The following ALDH1L1 variants were observed in gnomAD, a reference collection of about 807,000 sequenced individuals.
ALDH1L1 encodes cytosolic 10-formyltetrahydrofolate dehydrogenase.
ALDH1L1 carries 68 observed loss-of-function variants against 101.1 expected under a neutral mutation model. That is an observed-to-expected ratio of 0.67 (90% CI 0.55 to 0.82). ALDH1L1 has a LOEUF of 0.82. ALDH1L1 is among the 40% of genes least tolerant of loss of function. The pLI, the probability that ALDH1L1 is intolerant of heterozygous loss-of-function variation, is 0.00. For missense variants in ALDH1L1, 1,087 were observed against 1,172.7 expected, an observed-to-expected ratio of 0.93 and a Z score of 1.07; for synonymous variants, 486 against 470.8, an observed-to-expected ratio of 1.03 and a Z score of -0.42.
At position 126,107,165 on chromosome 3, in the gene ALDH1L1, A is replaced by G. The variant is rs1945905674; in HGVS notation, c.2429T>C (p.Met810Thr). ...IAKEESFGPV[M>T]IISRFADGDL... ...CCCATCAGCAAACCGAGAGATGATC[A>G]TGACAGGCCCGAAGGACTCCTCCTT... Residue 810 changes from methionine to threonine, a missense_variant, in exon 21 of 23, where the codon ATG (methionine) becomes ACG (threonine). Coordinates refer to ENST00000393434, the MANE Select transcript of ALDH1L1 (RefSeq NM_012190.4). The G allele has an allele frequency of 1.9e-6, 3 of 1,614,214 alleles. No homozygotes were observed. The highest frequency in any genetic ancestry group is 2.5e-6 in the Non-Finnish European group (3 of 1,180,010).
At chr3:126,186,117 G>A (rs958745608), upstream of ALDH1L1, among the ~76,000 whole-genome samples, 4 of 152,184 alleles carry the variant, frequency 2.6e-5, no homozygotes, top group African/African-American at 7.2e-5. Context: ...ATGGTTGCAC[G>A]ACAGTGTGAA....
chr3:126,119,282 C>T (rs2080034754), intron 16 of ALDH1L1, among the ~76,000 whole-genome samples: 1 of 152,248 alleles, frequency 6.6e-6, no homozygotes, highest in Non-Finnish European at 1.5e-5. Context: ...GGTCACTCCT[C>T]TGCCTGCTTG....
At chr3:126,196,035 A>G (rs1243675244) in intron 1 of ALDH1L1, among the ~76,000 whole-genome samples, 1 of 152,202 alleles carries the variant, frequency 6.6e-6, no homozygotes, top group Non-Finnish European at 1.5e-5. Flanking sequence ...TGGGTGCAGC[A>G]CACCAACATG....
Position 126,158,538 on chromosome 3 carries a change from C to T in ALDH1L1, c.229G>A (p.Gly77Arg), listed in dbSNP as rs773242742. 18 of 1,614,090 alleles carry T rather than the reference C, an allele frequency of 1.1e-5. No individual in the cohort carries two copies. The highest frequency in any genetic ancestry group is 1.3e-5 in the Non-Finnish European group (15 of 1,180,028). The change falls in exon 3 of 23, where the codon GGG becomes AGG. Residue 77 changes from glycine to arginine, a missense_variant. Gly to Arg is a moderately radical substitution (Grantham distance 125, BLOSUM62 -2). Transcript: ENST00000393434. Reference protein sequence around the residue: ...PDVVAKYQALGAELNVLPFCS... With the variant: ...PDVVAKYQALRAELNVLPFCS... ...AAGGGCAGGACGTTGAGCTCGGCCC[C>T]CAAAGCCTGGTATTTTGCCACCACA... is the stretch of plus-strand genomic sequence containing the variant.
At chr3:126,165,299 T>C (rs2081143571) in intron 1 of ALDH1L1, among the ~76,000 whole-genome samples, 2 of 152,310 alleles carry the variant, frequency 1.3e-5, no homozygotes, top group African/African-American at 4.8e-5. Context: ...ATTAACTTTT[T>C]GATGTGCTGC....
chr3:126,131,588 C>A (rs879559203), intron 12 of ALDH1L1, 54 bp from the exon 13 acceptor site: 161 of 1,564,954 alleles, frequency 1.0e-4, no homozygotes, highest in Admixed American at 5.7e-4. Context: ...ACGGCCTCAT[C>A]TGCCCTCACA....
chr3:126,152,875 G>A, intron 7 of ALDH1L1: 1 of 181,168 alleles, frequency 5.5e-6, no homozygotes, highest in South Asian at 1.2e-4. Flanking sequence ...ATATCTCATA[G>A]TGTTGTTAGG....
At chr3:126,166,260 T>A (rs2081166786) in intron 1 of ALDH1L1, among the ~76,000 whole-genome samples, 1 of 152,218 alleles carries the variant, frequency 6.6e-6, no homozygotes, top group African/African-American at 2.4e-5. Context: ...CTCACGTTCA[T>A]GTCCCCTTCT....
At chr3:126,136,672 C>G in intron 11 of ALDH1L1, 92 bp downstream of exon 11, 1 of 1,519,820 alleles carries the variant, frequency 6.6e-7, no homozygotes, top group Non-Finnish European at 8.9e-7. Flanking sequence ...CAGAGACTCT[C>G]AGGGTCAGGA....
chr3:126,150,510 G>C lies in ALDH1L1; in HGVS notation c.880C>G (p.Leu294Val). ...DKMLLVKNIQ[L>V]EDGKMILASN... is the part of the protein sequence containing the mutation. ...GCCAGGATCATTTTGCCATCCTCCA[G>C]CTGAATATTCTTCACCAGCAGCTGC... The change falls in exon 8 of 23, where the codon CTG (leucine) becomes GTG (valine). Residue 294 changes from leucine (L) to valine (V), a missense_variant. This residue lies in a region of ALDH1L1 where 645 missense variants were observed against 637.0 expected (regional missense o/e 1.01). Coordinates refer to ENST00000393434, the MANE Select transcript of ALDH1L1 (RefSeq NM_012190.4). 1 of 1,551,346 alleles carries C rather than the reference G, an allele frequency of 6.4e-7. No individual in the cohort carries two copies. The highest frequency in any genetic ancestry group is 8.7e-7 in the Non-Finnish European group (1 of 1,146,812).
In ALDH1L1 at chr3:126,130,220, C is replaced by T. The variant is rs750516494; in HGVS notation, c.1694+3G>A. ...CTGCACCTCGCCCTGGGCAGGAACT[C>T]ACCCAACAGGCTCCTTCCTGGTCAA... On this transcript the variant is annotated splice_donor_region_variant and intron_variant, in intron 14 of 22. Coordinates refer to ENST00000393434, the MANE Select transcript of ALDH1L1 (RefSeq NM_012190.4). 48 of 1,605,998 alleles carry T rather than the reference C, an allele frequency of 3.0e-5. No individual in the cohort carries two copies. Among genetic ancestry groups the T allele is most frequent in the Non-Finnish European group, 3.9e-5 (46 of 1,176,156 alleles).
At chr3:126,180,909 G>A (rs1199350512), upstream of ALDH1L1, 3 of 1,604,346 alleles carry the variant, frequency 1.9e-6, no homozygotes, top group African/African-American at 4.0e-5. Context: ...CCCTCGCCAA[G>A]CCGGTGACTC....
rs75123489 is a variant in ALDH1L1 at position 126,176,486 on chromosome 3, A to G, written c.-24+3990T>C. Among the ~76,000 whole-genome samples, 1,066 of 152,354 alleles carry G rather than the reference A, an allele frequency of 7.0e-3. 8 individuals are homozygous for G. Among genetic ancestry groups the G allele is most frequent in the South Asian group, 0.019 (94 of 4,822 alleles). On this transcript the variant is annotated intron_variant, in intron 1 of 22. Coordinates refer to ENST00000393434, the MANE Select transcript of ALDH1L1 (RefSeq NM_012190.4). ...GGTATTGGCAAAAGAATAGTCAGAT[A>G]GATCAATTGAACAGAATAGAGAGCC...
intron 1 of ALDH1L1, among the ~76,000 whole-genome samples, chr3:126,177,290 A>G (rs549512919): frequency 6.6e-6 from 1 of 152,372 alleles, no homozygotes; most frequent in South Asian, 2.1e-4. Context: ...TAAAACTTGG[A>G]AGCAACCAAG....
chr3:126,105,785 T>C lies in ALDH1L1; in HGVS notation c.2594A>G (p.Lys865Arg), dbSNP rs898481388. The change falls in exon 22 of 23, where the codon AAG becomes AGG. Residue 865 changes from lysine to arginine, a missense_variant. Coordinates refer to ENST00000393434, the MANE Select transcript of ALDH1L1 (RefSeq NM_012190.4). ...AGTVFVNTYN[K>R]TDVAAPFGGF... ...TCCGAAGGGAGCGGCCACGTCGGTC[T>C]TGTTGTACGTGTTGACAAACACAGT... 6.2e-6 allele frequency: 10 copies of C among 1,614,010 alleles called. No individual in the cohort carries two copies. The highest frequency in any genetic ancestry group is 5.0e-5 in the Admixed American group (3 of 60,014).
At chr3:126,104,016 G>A in intron 22 of ALDH1L1, 170 bp from the exon 23 acceptor site, 1 of 692,232 alleles carries the variant, frequency 1.4e-6, no homozygotes, top group South Asian at 1.8e-5. Context: ...GGTTATCCCT[G>A]GCAGTGGATA....
rs1227823094 is a variant in ALDH1L1, at chr3:126,132,649, G to T, written c.1473-1115C>A. Among the ~76,000 whole-genome samples, 6 of 152,114 alleles carry T rather than the reference G, an allele frequency of 3.9e-5. No individual in the cohort carries two copies. The South Asian group carries it at 1.2e-3, about 32-fold the overall frequency. On this transcript the variant is annotated intron_variant, in intron 12 of 22. Transcript: ENST00000393434. The stretch of plus-strand genomic sequence containing the variant: ...GCCTTCTGTACTTGTTTCAGACACG[G>T]ACTCAATGGGAAGCCGACCCAAATC...
chr3:126,157,506 G>T lies in ALDH1L1; in HGVS notation c.365C>A (p.Thr122Asn), dbSNP rs1176824663. The change falls in exon 4 of 23, where the codon ACC (threonine) becomes AAC (asparagine). Residue 122 changes from threonine (T) to asparagine (N), a missense_variant and splice_region_variant. This residue lies in a region of ALDH1L1 where 645 missense variants were observed against 637.0 expected (regional missense o/e 1.01). Transcript: ENST00000393434. ...RHRGASAINW[T>N]LIHGDKKGGF... Reference sequence around the variant, plus strand: ...CCCTTTCTTATCTCCGTGAATGAGGGTCCTAGGAAGCAGAAGAGTGAAACC... The same window carrying T: ...CCCTTTCTTATCTCCGTGAATGAGGTTCCTAGGAAGCAGAAGAGTGAAACC... The T allele has an allele frequency of 6.2e-7, 1 of 1,613,372 alleles. No homozygotes were observed. The highest frequency in any genetic ancestry group is 8.5e-7 in the Non-Finnish European group (1 of 1,179,696).
chr3:126,161,925 G>A (rs1214601442), intron 1 of ALDH1L1, among the ~76,000 whole-genome samples: 1 of 109,802 alleles, frequency 9.1e-6, no homozygotes, highest in Non-Finnish European at 2.0e-5. Flanking sequence ...GCATCGAATG[G>A]TTTCGCTTGA....
Sources: gnomAD v4.1 joint callset for allele counts (sites outside exome capture counted in the v4.1 genomes callset) on GRCh38, gnomAD v4.1.1 for gene constraint, gnomAD v4.1.1 regional missense constraint, MANE v1.5 for transcripts, NCBI Gene and HGNC (gene_info 2026-07-23, HGNC 2026-07-21) for gene names.